AFF1: variants seen among roughly 807,000 people sequenced by gnomAD.
AFF1 encodes the protein AF4/FMR2 family member 1.
In AFF1, 48 loss-of-function variants were observed where a neutral mutation model predicts 121.7. The ratio of observed to expected loss-of-function variants is 0.39; its 90% CI spans 0.31 to 0.50. AFF1 has a LOEUF of 0.50. Ranked by LOEUF, AFF1 falls within the 20% of genes least tolerant of loss-of-function variation. AFF1 has a pLI of 0.76. For missense variants in AFF1, 1,523 were observed against 1,511.7 expected (o/e 1.01, Z -0.12); for synonymous variants, 613 against 563.0 (o/e 1.09, Z -1.26).
intron 2 of AFF1, among the ~76,000 whole-genome samples, chr4:86,979,068 AT>A (rs1424777866): frequency 6.6e-6 from 1 of 152,114 alleles, no homozygotes; most frequent in Admixed American, 6.6e-5. Context: ...AACCACTGGA[AT>A]CACTGAATAC....
chr4:87,028,508 CAG>C (rs1048700466), intron 2 of AFF1, among the ~76,000 whole-genome samples: 37 of 152,022 alleles, frequency 2.4e-4, no homozygotes, highest in African/African-American at 8.7e-4. Context: ...TTCTTCCTCT[CAG>C]GGTGTCATTT....
intron 4 of AFF1, among the ~76,000 whole-genome samples, chr4:87,083,339 A>G (rs1248872958): frequency 6.6e-6 from 1 of 152,218 alleles, no homozygotes; most frequent in African/African-American, 2.4e-5. Context: ...TTCTCTGAAA[A>G]AAACTTTGTG....
intron 1 of AFF1, among the ~76,000 whole-genome samples, chr4:86,947,073 C>G (rs966654269): frequency 6.6e-6 from 1 of 151,884 alleles, no homozygotes; most frequent in Admixed American, 6.6e-5. Context: ...GTAGAGCTAG[C>G]GATGCAGAGA....
intron 1 of AFF1, chr4:86,935,733 TGA>T (rs1376695872): frequency 6.6e-6 from 1 of 151,818 alleles, no homozygotes; most frequent in Non-Finnish European, 1.5e-5. Context: ...CGCGTCTCGC[TGA>T]GAGCAGGAGG....
intron 2 of AFF1, among the ~76,000 whole-genome samples, chr4:87,014,906 T>A (rs756252986): frequency 6.6e-6 from 1 of 152,210 alleles, no homozygotes; most frequent in Admixed American, 6.5e-5. Context: ...GAAACCTGTT[T>A]CCTCCCTAGC....
At chr4:86,965,967 CAG>C (rs1449392212) in intron 2 of AFF1, among the ~76,000 whole-genome samples, 1 of 151,930 alleles carries the variant, frequency 6.6e-6, no homozygotes, top group African/African-American at 2.4e-5. Context: ...TAAGAGAACT[CAG>C]AGCTGTCATC....
intron 2 of AFF1, among the ~76,000 whole-genome samples, chr4:86,984,615 G>A (rs934767671): frequency 6.6e-6 from 1 of 152,216 alleles, no homozygotes. Context: ...GAGCCACTGT[G>A]CCTGGCCAAG....
At chr4:86,971,226 T>C (rs1359784527) in intron 2 of AFF1, among the ~76,000 whole-genome samples, 1 of 152,214 alleles carries the variant, frequency 6.6e-6, no homozygotes, top group Non-Finnish European at 1.5e-5. Flanking sequence ...GGTCCTGAGT[T>C]TTCCCAGTGG....
At position 87,079,126 on chromosome 4, in the gene AFF1, A is replaced by G. The variant is rs544666774; in HGVS notation, c.1060-4994A>G. ...ATCTTTTGGCTTCCCTCGTCAGCAC[A>G]TTGCCTTTGTGCTCTCTCTATTTCC... On this transcript the variant is annotated intron_variant, in intron 4 of 20. Coordinates refer to ENST00000395146, the MANE Select transcript of AFF1 (RefSeq NM_001166693.3). Among the ~76,000 whole-genome samples, 3 of 152,094 alleles carry G rather than the reference A, an allele frequency of 2.0e-5. No homozygotes were observed. In the South Asian group the frequency reaches 6.2e-4, roughly 32 times the overall value.
intron 2 of AFF1, among the ~76,000 whole-genome samples, chr4:87,024,361 G>A (rs2149568651): frequency 6.6e-6 from 1 of 152,264 alleles, no homozygotes; most frequent in Non-Finnish European, 1.5e-5. Flanking sequence ...AACATGGTAT[G>A]TGTAAAATTC....
chr4:86,946,188 G>A (rs184654762), intron 1 of AFF1, among the ~76,000 whole-genome samples: 55 of 152,096 alleles, frequency 3.6e-4, no homozygotes, highest in Admixed American at 3.5e-3. Context: ...TTAAGTCTTT[G>A]CTCAAATGTT....
At chr4:86,976,512 C>T (rs779352880) in intron 2 of AFF1, among the ~76,000 whole-genome samples, 2 of 152,104 alleles carry the variant, frequency 1.3e-5, no homozygotes, top group Admixed American at 6.5e-5. Context: ...AGCAAACTAA[C>T]TCAGAAACAG....
chr4:87,092,186 G>A (rs1288148695), intron 7 of AFF1, among the ~76,000 whole-genome samples: 2 of 152,312 alleles, frequency 1.3e-5, no homozygotes, highest in South Asian at 2.1e-4. Flanking sequence ...GGGAGGCTGA[G>A]GTGGGAGGAT....
chr4:87,039,102 C>G (rs1337177961), intron 2 of AFF1, among the ~76,000 whole-genome samples: 4 of 152,160 alleles, frequency 2.6e-5, no homozygotes, highest in Admixed American at 6.5e-5. Flanking sequence ...CCAGATGATA[C>G]CAGAGCCAAC....
chr4:86,962,821 C>T (rs1722247073), intron 2 of AFF1, among the ~76,000 whole-genome samples: 1 of 152,198 alleles, frequency 6.6e-6, no homozygotes, highest in East Asian at 1.9e-4. Flanking sequence ...ATTCTCATTT[C>T]ATATTTACTA....
chr4:87,019,007 A>C (rs923192275), intron 2 of AFF1, among the ~76,000 whole-genome samples: 1 of 152,200 alleles, frequency 6.6e-6, no homozygotes, highest in Non-Finnish European at 1.5e-5. Context: ...TATAAAGGTT[A>C]ATTTACAAAA....
chr4:86,994,106 A>C (rs896157047), intron 2 of AFF1, among the ~76,000 whole-genome samples: 2 of 152,268 alleles, frequency 1.3e-5, no homozygotes, highest in Non-Finnish European at 2.9e-5. Context: ...CAAGGCACTA[A>C]AACACAGGTT....
intron 2 of AFF1, among the ~76,000 whole-genome samples, chr4:87,013,292 G>T (rs1425883724): frequency 1.3e-5 from 2 of 151,744 alleles, no homozygotes. Flanking sequence ...CTCCCGCCTC[G>T]GCCTCCCAAA....
intron 8 of AFF1, among the ~76,000 whole-genome samples, chr4:87,105,074 T>C (rs1478651199): frequency 6.6e-6 from 1 of 152,258 alleles, no homozygotes; most frequent in Non-Finnish European, 1.5e-5. Flanking sequence ...CTTGATAGCA[T>C]CATACATCTT....
Sources: allele counts gnomAD v4.1 joint callset (sites outside exome capture counted in the v4.1 genomes callset), GRCh38; gene constraint gnomAD v4.1.1; transcripts MANE v1.5; gene names NCBI Gene and HGNC (gene_info 2026-07-23, HGNC 2026-07-21).